The following COL11A1 variants were observed in gnomAD, a reference collection of about 807,000 sequenced individuals.
COL11A1 encodes collagen type XI alpha 1 chain.
COL11A1 carries 74 observed loss-of-function variants against 265.2 expected under a neutral mutation model. The ratio of observed to expected loss-of-function variants is 0.28; its 90% CI spans 0.23 to 0.34. COL11A1 has a LOEUF of 0.34. COL11A1 is among the 10% of genes least tolerant of loss of function. The pLI is 1.00. For synonymous variants in COL11A1, 816 were observed against 727.6 expected (o/e 1.12, Z -1.96); for missense variants, 2,165 against 2,263.6 (o/e 0.96, Z 0.88).
At chr1:103,023,370 C>CTTTTTTTTTTTTT (rs112800509) in intron 7 of COL11A1, among the ~76,000 whole-genome samples, 2 of 142,960 alleles carry the variant, frequency 1.4e-5, no homozygotes, top group Admixed American at 7.0e-5. Flanking sequence ...TTTTTTCTTT[C>CTTTTTTTTTTTTT]TTTTTTTTTT....
chr1:103,034,922 T>A (rs1158852763), intron 4 of COL11A1, among the ~76,000 whole-genome samples: 1 of 152,132 alleles, frequency 6.6e-6, no homozygotes, highest in Non-Finnish European at 1.5e-5. Flanking sequence ...GAAGTAATTC[T>A]CTAAGTAAGT....
At position 103,008,533 on chromosome 1, in the gene COL11A1, A is replaced by G. The variant is rs1417009403; in HGVS notation, c.1630-17T>C. The stretch of plus-strand genomic sequence containing the variant: ...AGGCCCCCCCTATAGAGAAAAAGTG[A>G]AGATATTTCACTTAATTTAGCAATT... On this transcript the variant is annotated splice_polypyrimidine_tract_variant and intron_variant, in intron 14 of 66. Coordinates refer to ENST00000370096, the MANE Select transcript of COL11A1 (RefSeq NM_001854.4). 1 of 1,611,860 alleles carries G rather than the reference A, an allele frequency of 6.2e-7. No homozygotes were observed. Among genetic ancestry groups the G allele is most frequent in the Admixed American group, 1.7e-5 (1 of 60,006 alleles).
intron 1 of COL11A1, 143 bp from the exon 2 acceptor site, chr1:103,083,115 G>C: frequency 1.4e-6 from 1 of 728,828 alleles, no homozygotes; most frequent in Non-Finnish European, 2.2e-6. Flanking sequence ...TTAGGTGGGA[G>C]TTTGGAGAGT....
At position 102,927,018 on chromosome 1, in the gene COL11A1, TAAAC is replaced by T. The variant is rs959827585; in HGVS notation, c.3601-3633_3601-3630del. Among the ~76,000 whole-genome samples, 24 of 152,288 alleles carry T rather than the reference TAAAC, an allele frequency of 1.6e-4. No individual in the cohort carries two copies. The South Asian group carries it at 1.7e-3, about 11-fold the overall frequency. ...ATAAATAAAAAATCTTGTTATCTGATAAACATTTATTAAGTGTTTTAACAGTAAT... is the reference window on the plus strand; with the variant it reads ...ATAAATAAAAAATCTTGTTATCTGATATTTATTAAGTGTTTTAACAGTAAT... On this transcript the variant is annotated intron_variant, in intron 46 of 66. Transcript: ENST00000370096.
At chr1:102,995,683 C>G (rs768621370) in intron 28 of COL11A1, among the ~76,000 whole-genome samples, 181 bp downstream of exon 28, 1 of 151,340 alleles carries the variant, frequency 6.6e-6, no homozygotes, top group African/African-American at 2.4e-5. Context: ...GGTATTTAAC[C>G]CTTATCACAA....
chr1:103,107,913 A>G (rs1674834837), intron 1 of COL11A1, among the ~76,000 whole-genome samples, 160 bp downstream of exon 1: 1 of 150,888 alleles, frequency 6.6e-6, no homozygotes, highest in Admixed American at 6.6e-5. Flanking sequence ...CCAGTTTCCA[A>G]TTCCAACCTG....
chr1:102,913,085 G>A (rs528992999), intron 53 of COL11A1, among the ~76,000 whole-genome samples: 1 of 152,266 alleles, frequency 6.6e-6, no homozygotes, highest in South Asian at 2.1e-4. Context: ...CATCTAGTGG[G>A]AATGGCCCCA....
At chr1:102,954,393 T>C (rs1660165366) in intron 41 of COL11A1, among the ~76,000 whole-genome samples, 1 of 152,036 alleles carries the variant, frequency 6.6e-6, no homozygotes, top group South Asian at 2.1e-4. Flanking sequence ...TGAGGAGCAT[T>C]TGTAAAGTAA....
At chr1:102,878,812 C>G (rs1360374724) in intron 66 of COL11A1, among the ~76,000 whole-genome samples, 1 of 151,760 alleles carries the variant, frequency 6.6e-6, no homozygotes, top group East Asian at 1.9e-4. Flanking sequence ...CCCAGCCCCT[C>G]CAGTATAAAT....
chr1:102,908,479 T>A (rs1654256297), intron 54 of COL11A1, among the ~76,000 whole-genome samples: 1 of 152,112 alleles, frequency 6.6e-6, no homozygotes, highest in Admixed American at 6.6e-5. Flanking sequence ...CTCAAATAAT[T>A]TTTGGTAAAA....
intron 18 of COL11A1, among the ~76,000 whole-genome samples, chr1:103,005,527 T>G (rs1665515721): frequency 6.6e-6 from 1 of 152,140 alleles, no homozygotes; most frequent in Non-Finnish European, 1.5e-5. Flanking sequence ...TATTAAAAAA[T>G]TAGAGGTAAA....
chr1:103,048,080 T>C (rs2102104496), intron 4 of COL11A1, among the ~76,000 whole-genome samples: 1 of 152,328 alleles, frequency 6.6e-6, no homozygotes, highest in South Asian at 2.1e-4. Context: ...TGATTGTGTC[T>C]CTGCCAGGCT....
At chr1:102,924,280 A>C (rs1676489) in intron 46 of COL11A1, among the ~76,000 whole-genome samples, 127,885 of 152,122 alleles carry the variant, frequency 0.84, 55,133 homozygotes, top group East Asian at 1. Flanking sequence ...ACTGTAACTG[A>C]TATTTAGGAA....
intron 57 of COL11A1, among the ~76,000 whole-genome samples, chr1:102,892,997 A>G (rs12117071): frequency 0.056 from 8,480 of 152,264 alleles, 296 homozygotes; most frequent in Non-Finnish European, 0.081. Flanking sequence ...ATCTCAGACA[A>G]AAAGACCACA....
intron 52 of COL11A1, 146 bp from the exon 53 acceptor site, chr1:102,913,836 T>A (rs578051898): frequency 1.1e-5 from 9 of 796,116 alleles, no homozygotes; most frequent in East Asian, 2.6e-5. Context: ...TAACCTTTTT[T>A]AAAAAGATTG....
At chr1:103,078,919 T>A in intron 2 of COL11A1, 48 bp from the exon 3 acceptor site, 1 of 1,335,604 alleles carries the variant, frequency 7.5e-7, no homozygotes, top group Admixed American at 1.9e-5. Flanking sequence ...TTCCAATTTC[T>A]ACTTTATTCC....
intron 4 of COL11A1, among the ~76,000 whole-genome samples, chr1:103,065,767 A>T (rs1046037154): frequency 1.3e-5 from 2 of 148,898 alleles, no homozygotes; most frequent in Non-Finnish European, 3.0e-5. Context: ...AGGCTTCCTA[A>T]ATTTGTTGAA....
At chr1:103,066,541 T>C (rs1014294835) in intron 4 of COL11A1, among the ~76,000 whole-genome samples, 2 of 91,306 alleles carry the variant, frequency 2.2e-5, no homozygotes, top group African/African-American at 8.7e-5. Context: ...AATATTCAAA[T>C]AAACCCTCAG....
intron 48 of COL11A1, among the ~76,000 whole-genome samples, 154 bp downstream of exon 48, chr1:102,921,363 AT>A (rs1655969216): frequency 6.6e-6 from 1 of 152,246 alleles, no homozygotes; most frequent in Non-Finnish European, 1.5e-5. Context: ...ATTTCATTGT[AT>A]AATAAAGTGG....
Sources: allele counts gnomAD v4.1 joint callset (sites outside exome capture counted in the v4.1 genomes callset), GRCh38; gene constraint gnomAD v4.1.1; transcripts MANE v1.5; gene names NCBI Gene and HGNC (gene_info 2026-07-23, HGNC 2026-07-21).